Variants in CDH12 observed in about 807,000 individuals in gnomAD.
The protein encoded by CDH12 is cadherin 12, also known as cadherin-12.
CDH12 carries 41 observed loss-of-function variants against 74.1 expected under a neutral mutation model. The ratio of observed to expected loss-of-function variants is 0.55; its 90% confidence interval spans 0.43 to 0.72. CDH12 has a LOEUF of 0.72. Among genes scored for constraint, CDH12 ranks in the 30% least tolerant of loss-of-function variants. CDH12 has a pLI of 0.00. For synonymous variants in CDH12, 399 were observed against 355.0 expected (o/e 1.12, Z -1.39); for missense variants, 945 against 977.2 (o/e 0.97, Z 0.44).
chr5:22,319,428 C>T lies in CDH12; in HGVS notation c.-333+85829G>A, dbSNP rs555187863. On this transcript the variant is annotated intron_variant, in intron 3 of 14. Transcript: ENST00000382254. ...GGAATAAAAGGCAACGCAGTTTACA[C>T]AGATGCTAGCAGCACAGTACGGAAA... Among the ~76,000 whole-genome samples the T allele has an allele frequency of 3.9e-4, 59 of 152,262 alleles. 1 individual carries two copies. The highest frequency in any genetic ancestry group is 1.4e-3 in the African/African-American group (59 of 41,550).
chr5:22,479,103 T>C (rs1332017088), intron 2 of CDH12, among the ~76,000 whole-genome samples: 1 of 152,214 alleles, frequency 6.6e-6, no homozygotes, highest in Non-Finnish European at 1.5e-5. Flanking sequence ...TATCAGGGCC[T>C]ACAGCAGCAG....
chr5:22,668,065 T>G (rs991142302), intron 1 of CDH12, among the ~76,000 whole-genome samples: 1 of 152,230 alleles, frequency 6.6e-6, no homozygotes, highest in African/African-American at 2.4e-5. Flanking sequence ...AACACCACTT[T>G]GTCATTTTTT....
chr5:22,741,844 C>A (rs747735723), intron 1 of CDH12, among the ~76,000 whole-genome samples: 2 of 152,176 alleles, frequency 1.3e-5, no homozygotes, highest in Non-Finnish European at 2.9e-5. Flanking sequence ...TAAAGACCTC[C>A]ATACAGAGAA....
In CDH12 at chr5:22,104,236, C is replaced by T. The variant is rs547448058; in HGVS notation, c.-186-25374G>A. ...TATAGCCATAATGTATTAGAAAATA[C>T]TAAAAAATAATTAGCTCTCAAGTAG... is the stretch of plus-strand genomic sequence containing the variant. On this transcript the variant is annotated intron_variant, in intron 4 of 14. Transcript: ENST00000382254. Among the ~76,000 whole-genome samples the T allele has an allele frequency of 3.9e-5, 6 of 152,102 alleles. No individual in the cohort carries two copies. The East Asian group carries it at 1.2e-3, about 29-fold the overall frequency.
In CDH12 at chr5:22,841,625, C is replaced by A. The variant is rs182166224; in HGVS notation, c.-523+11433G>T. On this transcript the variant is annotated intron_variant, in intron 1 of 14. Coordinates refer to ENST00000382254, the MANE Select transcript of CDH12 (RefSeq NM_004061.5). Reference sequence around the variant, plus strand: ...TAGACAGGAGAAAACTAATGCTGCTCCAACACTGAGGGGAGAACAGAAGAA... The same window carrying A: ...TAGACAGGAGAAAACTAATGCTGCTACAACACTGAGGGGAGAACAGAAGAA... 2.0e-5 allele frequency among the ~76,000 whole-genome samples: 3 copies of A among 151,426 alleles called. No homozygotes were observed. The East Asian group carries it at 5.9e-4, about 30-fold the overall frequency.
intron 3 of CDH12, among the ~76,000 whole-genome samples, chr5:22,278,941 T>C (rs1736758040): frequency 1.3e-5 from 2 of 152,148 alleles, no homozygotes; most frequent in African/African-American, 2.4e-5. Flanking sequence ...TCAAGGATAT[T>C]AAACAGTAAA....
chr5:22,193,356 C>T (rs904784458), intron 4 of CDH12, among the ~76,000 whole-genome samples: 1 of 152,152 alleles, frequency 6.6e-6, no homozygotes, highest in African/African-American at 2.4e-5. Flanking sequence ...ATTTCGATGT[C>T]GTGTTTTTTG....
chr5:22,336,295 A>G (rs1739577713), intron 3 of CDH12, among the ~76,000 whole-genome samples: 1 of 152,166 alleles, frequency 6.6e-6, no homozygotes, highest in Non-Finnish European at 1.5e-5. Flanking sequence ...AGACAATGTG[A>G]TGGAAAAGAA....
intron 3 of CDH12, among the ~76,000 whole-genome samples, chr5:22,380,363 G>C (rs568873210): frequency 6.6e-6 from 1 of 151,956 alleles, no homozygotes; most frequent in Non-Finnish European, 1.5e-5. Flanking sequence ...ATTCTCAAAG[G>C]TTCTTTTGTT....
chr5:21,963,849 G>C (rs185407362), intron 6 of CDH12, among the ~76,000 whole-genome samples: 1 of 151,934 alleles, frequency 6.6e-6, no homozygotes, highest in Non-Finnish European at 1.5e-5. Context: ...TACTTTTCAC[G>C]TCCACTACAC....
intron 2 of CDH12, among the ~76,000 whole-genome samples, chr5:22,416,731 G>T (rs1561387137): frequency 6.6e-6 from 1 of 152,144 alleles, no homozygotes; most frequent in South Asian, 2.1e-4. Context: ...AAAAGGAATT[G>T]TAAGTGTGGT....
chr5:21,835,881 T>G (rs983027601), intron 8 of CDH12, among the ~76,000 whole-genome samples: 1 of 151,842 alleles, frequency 6.6e-6, no homozygotes, highest in Non-Finnish European at 1.5e-5. Context: ...GTATAGTTAT[T>G]GGCATATTAT....
intron 4 of CDH12, among the ~76,000 whole-genome samples, chr5:22,092,362 A>T (rs906511847): frequency 3.9e-5 from 6 of 152,190 alleles, no homozygotes; most frequent in African/African-American, 1.4e-4. Context: ...TGTTCAAATT[A>T]TTCACTTGAC....
At chr5:22,028,637 C>A (rs563619157) in intron 5 of CDH12, among the ~76,000 whole-genome samples, 1 of 152,254 alleles carries the variant, frequency 6.6e-6, no homozygotes, top group African/African-American at 2.4e-5. Flanking sequence ...GAAGAACATA[C>A]CATGCTCATG....
At chr5:22,135,297 T>C (rs937226431) in intron 4 of CDH12, among the ~76,000 whole-genome samples, 4 of 151,502 alleles carry the variant, frequency 2.6e-5, no homozygotes, top group African/African-American at 9.7e-5. Context: ...TCAAATGATA[T>C]GGTACTGCTG....
chr5:22,443,936 T>A (rs1357087931), intron 2 of CDH12, among the ~76,000 whole-genome samples: 1 of 152,020 alleles, frequency 6.6e-6, no homozygotes, highest in African/African-American at 2.4e-5. Context: ...AATTTTAAAA[T>A]GCAAATCAGG....
intron 4 of CDH12, among the ~76,000 whole-genome samples, chr5:22,179,584 T>C (rs1321187733): frequency 6.6e-6 from 1 of 152,186 alleles, no homozygotes; most frequent in African/African-American, 2.4e-5. Flanking sequence ...GGCTTGAAGA[T>C]TACCTTAAGA....
intron 2 of CDH12, among the ~76,000 whole-genome samples, chr5:22,428,453 G>GTGTGTGTGATATGTA (rs1214345957): frequency 6.6e-6 from 1 of 151,980 alleles, no homozygotes; most frequent in African/African-American, 2.4e-5. Flanking sequence ...ATATGTGTGT[G>GTGTGTGTGATATGTA]TGTGTGTGAT....
chr5:22,037,517 GACA>G (rs1354257757), intron 5 of CDH12, among the ~76,000 whole-genome samples: 2 of 152,122 alleles, frequency 1.3e-5, no homozygotes, highest in Non-Finnish European at 2.9e-5. Flanking sequence ...ATGCAGTGCT[GACA>G]ACACCTTGAT....
Sources: gnomAD v4.1 joint callset for allele counts (sites outside exome capture counted in the v4.1 genomes callset) on GRCh38, gnomAD v4.1.1 for gene constraint, MANE v1.5 for transcripts, NCBI Gene and HGNC (gene_info 2026-07-23, HGNC 2026-07-21) for gene names.